The following NOTCH2 variants were observed in gnomAD, a reference collection of about 807,000 sequenced individuals.
NOTCH2 encodes the protein neurogenic locus notch homolog protein 2.
NOTCH2 carries 29 observed loss-of-function variants against 235.8 expected under a neutral mutation model. That is an observed-to-expected ratio of 0.12 (90% CI 0.09 to 0.17). The LOEUF is 0.17. NOTCH2 is among the 10% of genes least tolerant of loss of function. NOTCH2 has a pLI of 1.00. For synonymous variants in NOTCH2, 1,086 were observed against 1,141.5 expected, an observed-to-expected ratio of 0.95 and a Z score of 0.98; for missense variants, 2,285 against 3,150.2, an observed-to-expected ratio of 0.73 and a Z score of 6.57.
Position 119,967,421 on chromosome 1 carries a change from G to A in NOTCH2, c.1453+12C>T, listed in dbSNP as rs1553199808. 6.2e-7 allele frequency: 1 copy of A among 1,612,746 alleles called. No individual in the cohort carries two copies. The highest frequency in any genetic ancestry group is 1.3e-5 in the African/African-American group (1 of 74,880). The stretch of plus-strand genomic sequence containing the variant: ...TCCTCTCTAGACCCAACATGCTGAT[G>A]GGCCCATTTACCTGGCATGCACAGA... On this transcript the variant is annotated intron_variant, in intron 8 of 33. Transcript: ENST00000256646.
intron 10 of NOTCH2, 145 bp from the exon 11 acceptor site, chr1:119,963,952 T>C: frequency 1.4e-6 from 1 of 733,470 alleles, no homozygotes; most frequent in Non-Finnish European, 2.4e-6. Context: ...AAAACGACGA[T>C]CTGCATTGAT....
intron 32 of NOTCH2, 109 bp downstream of exon 32, chr1:119,918,297 C>T: frequency 8.3e-7 from 1 of 1,207,364 alleles, no homozygotes; most frequent in African/African-American, 1.5e-5. Context: ...GAGTGAATCT[C>T]TCACGTATTT....
At chr1:119,943,831 T>A (rs1650156784) in intron 17 of NOTCH2, among the ~76,000 whole-genome samples, 1 of 151,902 alleles carries the variant, frequency 6.6e-6, no homozygotes, top group Non-Finnish European at 1.5e-5. Context: ...CTCAATATAT[T>A]CAAGAAGGAA....
chr1:119,930,727 C>T (rs1019354918), intron 22 of NOTCH2, among the ~76,000 whole-genome samples: 71 of 151,296 alleles, frequency 4.7e-4, no homozygotes, highest in African/African-American at 1.5e-3. Context: ...TGCAGTGAGC[C>T]GAGGTTATGC....
intron 2 of NOTCH2, among the ~76,000 whole-genome samples, chr1:120,029,102 C>T (rs1376312355): frequency 1.7e-5 from 2 of 118,896 alleles, no homozygotes; most frequent in Non-Finnish European, 3.7e-5. Context: ...ACACCCAAAG[C>T]CCCTGCTCCC....
chr1:119,981,687 T>C (rs1207115779), intron 5 of NOTCH2, among the ~76,000 whole-genome samples: 1 of 152,146 alleles, frequency 6.6e-6, no homozygotes, highest in East Asian at 1.9e-4. Flanking sequence ...CTCTGGGACA[T>C]CTGGGGCAAG....
chr1:119,942,873 C>CTT (rs587671333), intron 17 of NOTCH2, among the ~76,000 whole-genome samples: 15 of 128,774 alleles, frequency 1.2e-4, no homozygotes, highest in South Asian at 2.5e-4. Flanking sequence ...GTCCATATGT[C>CTT]TTTTTTTTTT....
At chr1:119,999,957 AAG>A (rs1652664344) in intron 3 of NOTCH2, among the ~76,000 whole-genome samples, 1 of 131,840 alleles carries the variant, frequency 7.6e-6, no homozygotes, top group East Asian at 2.1e-4. Context: ...GAAAGAAAGA[AAG>A]AAAGAAAGAA....
chr1:119,985,495 A>C (rs1482198813), intron 5 of NOTCH2, among the ~76,000 whole-genome samples: 1 of 152,206 alleles, frequency 6.6e-6, no homozygotes. Flanking sequence ...ATATCAAAGC[A>C]AGAAACCAAG....
chr1:119,935,855 A>C (rs1649830719), intron 21 of NOTCH2, among the ~76,000 whole-genome samples: 1 of 152,228 alleles, frequency 6.6e-6, no homozygotes, highest in Non-Finnish European at 1.5e-5. Flanking sequence ...CAAGGACTGA[A>C]TACAATGAAG....
Position 119,997,169 on chromosome 1 carries a change from C to T in NOTCH2, c.579G>A (p.Gln193=), listed in dbSNP as rs782291604. The part of the protein sequence containing the change: ...VNECDIPGHC[Q]HGGTCLNLPG... ...GCAGGTTGAGGCAGGTGCCACCATG[C>T]TGGCAGTGTCCTGGAATGTCACACT... The change falls in exon 4 of 34, where the codon CAG becomes CAA. Residue 193 remains glutamine (Q), a synonymous_variant. Coordinates refer to ENST00000256646, the MANE Select transcript of NOTCH2 (RefSeq NM_024408.4). 6 of 1,613,914 alleles carry T rather than the reference C, an allele frequency of 3.7e-6. No individual in the cohort carries two copies. In the African/African-American group the frequency reaches 8.0e-5, roughly 22 times the overall value.
At chr1:120,028,611 GA>G (rs11357835) in intron 2 of NOTCH2, among the ~76,000 whole-genome samples, 9 of 130,886 alleles carry the variant, frequency 6.9e-5, no homozygotes, top group South Asian at 2.6e-4. Context: ...TTTCTGACTT[GA>G]AAAAAAAAAT....
chr1:120,000,290 C>T (rs1652697680), intron 3 of NOTCH2, among the ~76,000 whole-genome samples: 1 of 152,050 alleles, frequency 6.6e-6, no homozygotes, highest in Non-Finnish European at 1.5e-5. Context: ...AATCCCAGCA[C>T]TTTGGGAGGC....
Position 119,955,157 on chromosome 1 carries a change from A to T in NOTCH2, c.2102T>A (p.Val701Glu), listed in dbSNP as rs1557820445. Residue 701 changes from valine (V) to glutamate (E), a missense_variant, in exon 13 of 34, where the codon GTG (valine) becomes GAG (glutamate). Val to Glu is a moderately radical substitution (Grantham distance 121). This residue lies in a region of NOTCH2 where 1,173 missense variants were observed against 1,515.3 expected (regional missense o/e 0.77). Coordinates refer to ENST00000256646, the MANE Select transcript of NOTCH2 (RefSeq NM_024408.4). ...CRKGATCING[V>E]NGFRCICPEG... ...GGGGCATATACAGCGGAAACCATTC[A>T]CACCGTTGATACATGTTGCACCCTT... is the stretch of plus-strand genomic sequence containing the variant. 2 of 1,614,092 alleles carry T rather than the reference A, an allele frequency of 1.2e-6. No individual in the cohort carries two copies. The highest frequency in any genetic ancestry group is 1.7e-6 in the Non-Finnish European group (2 of 1,180,000).
At chr1:119,968,763 G>A (rs17024584) in intron 6 of NOTCH2, among the ~76,000 whole-genome samples, 7,316 of 152,226 alleles carry the variant, frequency 0.048, 283 homozygotes, top group South Asian at 0.11. Context: ...GGTGGCCCCA[G>A]GTCTCTGAAG....
In NOTCH2 at chr1:119,914,983, C is replaced by T. The variant is rs938087348; in HGVS notation, c.*323G>A. 6 of 453,906 alleles carry T rather than the reference C, an allele frequency of 1.3e-5. No homozygotes were observed. Among genetic ancestry groups the T allele is most frequent in the African/African-American group, 9.7e-5 (5 of 51,430 alleles). The allele number at this position is 453,906 out of a possible 1,614,324, so 28.1% of individuals were successfully genotyped here. A position where few individuals can be genotyped will look rare whatever the true frequency, so the allele number is the denominator to read the frequency against. On this transcript the variant is annotated 3_prime_UTR_variant, in exon 34 of 34. Transcript: ENST00000256646. ...AGCCTGCAGGGCTTAAAATGCAGTC[C>T]AAGCTGCAAGAATGTCTGGGCTTCA...
At chr1:119,918,290 T>C (rs1264210838) in intron 32 of NOTCH2, 116 bp downstream of exon 32, 1 of 1,142,732 alleles carries the variant, frequency 8.8e-7, no homozygotes, top group East Asian at 2.3e-5. Context: ...AAAGAATGAG[T>C]GAATCTCTCA....
chr1:120,039,016 G>T (rs1266186815), intron 1 of NOTCH2, among the ~76,000 whole-genome samples: 1 of 150,894 alleles, frequency 6.6e-6, no homozygotes, highest in African/African-American at 2.5e-5. Context: ...AATTCCAACT[G>T]AATGGGAAAA....
intron 1 of NOTCH2, among the ~76,000 whole-genome samples, chr1:120,032,028 TAAATA>T (rs1654112454): frequency 2.5e-5 from 2 of 81,368 alleles, no homozygotes; most frequent in Non-Finnish European, 4.6e-5. Context: ...TTTTTTTCTT[TAAATA>T]AAATAATAAA....
Sources: allele counts gnomAD v4.1 joint callset (sites outside exome capture counted in the v4.1 genomes callset), GRCh38; gene constraint gnomAD v4.1.1; regional missense constraint gnomAD v4.1.1; transcripts MANE v1.5; gene names NCBI Gene and HGNC (gene_info 2026-07-23, HGNC 2026-07-21).